The following PPP1R10 variants were observed in gnomAD, a reference collection of about 807,000 sequenced individuals.
PPP1R10 encodes the protein protein phosphatase 1 regulatory subunit 10.
PPP1R10 carries 15 observed loss-of-function variants against 99.0 expected under a neutral mutation model. The ratio of observed to expected loss-of-function variants is 0.15; its 90% CI spans 0.10 to 0.23. PPP1R10 has a LOEUF of 0.23. Ranked by LOEUF, PPP1R10 falls within the 10% of genes least tolerant of loss-of-function variation. The pLI is 1.00. For missense variants in PPP1R10, 947 were observed against 1,259.4 expected, an observed-to-expected ratio of 0.75 and a Z score of 3.75; for synonymous variants, 430 against 449.5, an observed-to-expected ratio of 0.96 and a Z score of 0.55.
chr6:30,602,044 C>T lies in PPP1R10; in HGVS notation c.2605G>A (p.Gly869Ser). The T allele has an allele frequency of 3.2e-6, 5 of 1,555,952 alleles. No homozygotes were observed. Among genetic ancestry groups the T allele is most frequent in the Middle Eastern group, 1.7e-4 (1 of 5,796 alleles). ...HRPHDVPGHR[G>S]HDHRGPPPHE... is the part of the protein sequence containing the mutation. ...GGTGGCGGCCCTCGATGGTCATGGC[C>T]TCGGTGACCAGGGACATCATGAGGC... The change falls in exon 19 of 20, where the codon GGC becomes AGC. Residue 869 changes from glycine (G) to serine (S), a missense_variant. Gly to Ser is a moderately conservative substitution (Grantham distance 56). Coordinates refer to ENST00000376511, the MANE Select transcript of PPP1R10 (RefSeq NM_002714.4). The surrounding 1 kb of genome is among the most constrained non-coding windows in gnomAD (Gnocchi z 6.7).
chr6:30,603,411 T>C (rs1803580517), intron 16 of PPP1R10, 61 bp downstream of exon 16: 1 of 1,590,322 alleles, frequency 6.3e-7, no homozygotes, highest in Non-Finnish European at 8.6e-7. Flanking sequence ...TGGGAGACAG[T>C]GAGGAGAGCG....
chr6:30,615,116 G>A (rs918281961), intron 2 of PPP1R10, among the ~76,000 whole-genome samples: 2 of 150,112 alleles, frequency 1.3e-5, no homozygotes, highest in Non-Finnish European at 3.0e-5. Flanking sequence ...AAAAGGGGGA[G>A]AAAAACAACA....
Position 30,603,303 on chromosome 6 carries a change from G to A in PPP1R10, c.1768-18C>T. 1.2e-6 allele frequency: 2 copies of A among 1,604,704 alleles called. No homozygotes were observed. The highest frequency in any genetic ancestry group is 1.7e-6 in the Non-Finnish European group (2 of 1,171,452). ...GGGCTACCCTGTGAGGATGTAAGAA[G>A]GCAAAGTCAACAGACAGAAAGGGTA... On this transcript the variant is annotated intron_variant, in intron 16 of 19. Coordinates refer to ENST00000376511, the MANE Select transcript of PPP1R10 (RefSeq NM_002714.4).
rs763294884 is a variant in PPP1R10 at position 30,603,523 on chromosome 6, T to G, written c.1716A>C (p.Gln572His). Reference protein sequence around the residue: ...MGSMGAGKGPQGPGGGGINVQ... With the variant: ...MGSMGAGKGPHGPGGGGINVQ... ...CATTAATGCCTCCTCCTCCAGGGCC[T>G]TGGGGGCCCTTTCCAGCACCCATGC... is the stretch of plus-strand genomic sequence containing the variant. Residue 572 changes from glutamine (Q) to histidine (H), a missense_variant, in exon 16 of 20, where the codon CAA (glutamine) becomes CAC (histidine). Coordinates refer to ENST00000376511, the MANE Select transcript of PPP1R10 (RefSeq NM_002714.4). 1 of 1,613,898 alleles carries G rather than the reference T, an allele frequency of 6.2e-7. No individual in the cohort carries two copies. Among genetic ancestry groups the G allele is most frequent in the Non-Finnish European group, 8.5e-7 (1 of 1,179,908 alleles).
intron 16 of PPP1R10, 21 bp from the exon 17 acceptor site, chr6:30,603,306 A>T: frequency 1.2e-6 from 2 of 1,601,518 alleles, no homozygotes; most frequent in Non-Finnish European, 1.7e-6. Context: ...GTAAGAAGGC[A>T]AAGTCAACAG....
At position 30,603,616 on chromosome 6, in the gene PPP1R10, C is replaced by A; in HGVS notation, c.1623G>T (p.Gly541=). The stretch of plus-strand genomic sequence containing the variant: ...CTGCCCCATCAGGTGAGCCACCTGA[C>A]CCCCCAGGTTCCAGAGTCTCAACAT... ...TPYVETLEPG[G]SGGSPDGAGG... The change falls in exon 16 of 20, where the codon GGG becomes GGT. Residue 541 remains glycine (G), a synonymous_variant. Coordinates refer to ENST00000376511, the MANE Select transcript of PPP1R10 (RefSeq NM_002714.4). 6.2e-7 allele frequency: 1 copy of A among 1,613,110 alleles called. No homozygotes were observed. Among genetic ancestry groups the A allele is most frequent in the South Asian group, 1.1e-5 (1 of 90,970 alleles).
Position 30,609,863 on chromosome 6 carries a change from C to A in PPP1R10, c.82G>T (p.Val28Leu). The A allele has an allele frequency of 6.2e-7, 1 of 1,614,062 alleles. No individual in the cohort carries two copies. The highest frequency in any genetic ancestry group is 1.1e-5 in the South Asian group (1 of 91,074). The change falls in exon 3 of 20, where the codon GTG becomes TTG. Residue 28 changes from valine (V) to leucine (L), a missense_variant. Val to Leu is a conservative substitution (Grantham distance 32). Coordinates refer to ENST00000376511, the MANE Select transcript of PPP1R10 (RefSeq NM_002714.4). This position sits in a 1 kb window ranked among gnomAD's most constrained non-coding sequence, Gnocchi z 4.5. Reference protein sequence around the residue: ...FLNRDGEVKSVDGISKIFSLM... With the variant: ...FLNRDGEVKSLDGISKIFSLM... ...CTGAAGATCTTGGAAATCCCATCCACACTTTTGACTTCCCCATCTCGGTTA... is the reference window on the plus strand; with the variant it reads ...CTGAAGATCTTGGAAATCCCATCCAAACTTTTGACTTCCCCATCTCGGTTA...
At chr6:30,607,292 T>G (rs1162895573) in intron 6 of PPP1R10, among the ~76,000 whole-genome samples, 1 of 152,254 alleles carries the variant, frequency 6.6e-6, no homozygotes, top group East Asian at 1.9e-4. Flanking sequence ...GTTAGTTGCT[T>G]TATGTATAAC....
Position 30,605,963 on chromosome 6 carries a change from A to G in PPP1R10, c.813T>C (p.Asn271=). 1 of 1,613,578 alleles carries G rather than the reference A, an allele frequency of 6.2e-7. No homozygotes were observed. The highest frequency in any genetic ancestry group is 8.5e-7 in the Non-Finnish European group (1 of 1,179,918). The part of the protein sequence containing the change: ...KKYKPLNTTP[N]ATKEIKVKII... Reference sequence around the variant, plus strand: ...TCTTCACTTTGATCTCTTTGGTGGCATTAGGTGTTGTGTTGAGTGGCTTGT... The same window carrying G: ...TCTTCACTTTGATCTCTTTGGTGGCGTTAGGTGTTGTGTTGAGTGGCTTGT... Residue 271 remains asparagine, a synonymous_variant, in exon 10 of 20, where the codon AAT becomes AAC. Coordinates refer to ENST00000376511, the MANE Select transcript of PPP1R10 (RefSeq NM_002714.4).
At chr6:30,601,867 T>A in intron 19 of PPP1R10, 69 bp downstream of exon 19, 1 of 1,445,796 alleles carries the variant, frequency 6.9e-7, no homozygotes, top group Non-Finnish European at 9.1e-7. Context: ...CAGTAGTGAC[T>A]CTCACCCACT....
chr6:30,606,910 AG>A lies in PPP1R10; in HGVS notation c.383-55del. On this transcript the variant is annotated intron_variant, in intron 6 of 19. Transcript: ENST00000376511. The surrounding 1 kb of genome is among the most constrained non-coding windows in gnomAD (Gnocchi z 6.3). ...AAATAATGTAAAGTAACATTCTTCC[AG>A]GAACAGAAAATGGGAGGTTTGAGAA... 1 of 1,483,100 alleles carries A rather than the reference AG, an allele frequency of 6.7e-7. No individual in the cohort carries two copies. The highest frequency in any genetic ancestry group is 1.2e-5 in the South Asian group (1 of 85,238). 91.9% of individuals were successfully genotyped at this position (1,483,100 alleles called of 1,614,324 possible).
At position 30,605,955 on chromosome 6, in the gene PPP1R10, T is replaced by C. The variant is rs1014811825; in HGVS notation, c.821A>G (p.Lys274Arg). The change falls in exon 10 of 20, where the codon AAA becomes AGA. Residue 274 changes from lysine to arginine, a missense_variant. Transcript: ENST00000376511. Reference protein sequence around the residue: ...KPLNTTPNATKEIKVKIIPPQ... With the variant: ...KPLNTTPNATREIKVKIIPPQ... ...CGGGATGATCTTCACTTTGATCTCT[T>C]TGGTGGCATTAGGTGTTGTGTTGAG... 1.2e-6 allele frequency: 2 copies of C among 1,613,874 alleles called. No individual in the cohort carries two copies. The highest frequency in any genetic ancestry group is 1.3e-5 in the African/African-American group (1 of 74,898).
intron 10 of PPP1R10, among the ~76,000 whole-genome samples, chr6:30,605,391 TCACAGAATGG>T (rs1347078655): frequency 2.6e-5 from 4 of 152,082 alleles, no homozygotes; most frequent in Non-Finnish European, 5.9e-5. Context: ...CCCTGACCAG[TCACAGAATGG>T]CACACGTCCC....
chr6:30,609,839 T>C lies in PPP1R10; in HGVS notation c.106A>G (p.Ser36Gly), dbSNP rs561249098. 8 of 1,612,114 alleles carry C rather than the reference T, an allele frequency of 5.0e-6. No homozygotes were observed. In the South Asian group the frequency reaches 6.6e-5, roughly 13 times the overall value. Residue 36 changes from serine (S) to glycine (G), a missense_variant and splice_region_variant, in exon 3 of 20, where the codon AGT becomes GGT. Ser to Gly is a moderately conservative substitution (Grantham distance 56, BLOSUM62 0). Around this residue, in one of 10 missense-constraint regions of PPP1R10, gnomAD observed 82 missense variants for 117.3 expected, o/e 0.70. Transcript: ENST00000376511. The surrounding 1 kb of genome is among the most constrained non-coding windows in gnomAD (Gnocchi z 4.5). ...KSVDGISKIF[S>G]LMKEARKMVS... ...ATACAAAAAGGGGTAAAGACTCACC[T>C]GAAGATCTTGGAAATCCCATCCACA...
chr6:30,609,659 A>G lies in PPP1R10; in HGVS notation c.107+179T>C, dbSNP rs927616478. Among the ~76,000 whole-genome samples, 1 of 152,230 alleles carries G rather than the reference A, an allele frequency of 6.6e-6. No individual in the cohort carries two copies. The highest frequency in any genetic ancestry group is 1.5e-5 in the Non-Finnish European group (1 of 68,034). On this transcript the variant is annotated intron_variant, in intron 3 of 19. Coordinates refer to ENST00000376511, the MANE Select transcript of PPP1R10 (RefSeq NM_002714.4). The surrounding 1 kb of genome is among the most constrained non-coding windows in gnomAD (Gnocchi z 4.5). ...CAAATCTCCAGTTTCCATTATGGTC[A>G]GAAACAAGTGATCATCTTTTCCTAT...
chr6:30,607,803 GAGAAAAGCCCATGAGAGAGC>G lies in PPP1R10; in HGVS notation c.382+17_382+36del. 1 of 1,588,918 alleles carries G rather than the reference GAGAAAAGCCCATGAGAGAGC, an allele frequency of 6.3e-7. No homozygotes were observed. ...TTAAGGTAATTAAGTGGAAGTAATA[GAGAAAAGCCCATGAGAGAGC>G]AGAAGTGGCACCCTACCTTCATCCT... is the stretch of plus-strand genomic sequence containing the variant. On this transcript the variant is annotated intron_variant, in intron 6 of 19. Transcript: ENST00000376511.
In PPP1R10 at chr6:30,616,589, G is replaced by A. The variant is rs553274442; in HGVS notation, c.-123C>T. 6.6e-6 allele frequency: 1 copy of A among 151,992 alleles called. No homozygotes were observed. Among genetic ancestry groups the A allele is most frequent in the Non-Finnish European group, 1.5e-5 (1 of 67,970 alleles). The allele number at this position is 151,992 out of a possible 1,614,324, so 9.4% of individuals were successfully genotyped here. On this transcript the variant is annotated 5_prime_UTR_variant, in exon 2 of 20. Transcript: ENST00000376511. Reference sequence around the variant, plus strand: ...GGACCCAAAACTCAATTATTTAGGGGGCCTCATTGGATCAAAAAGTCTTTT... The same window carrying A: ...GGACCCAAAACTCAATTATTTAGGGAGCCTCATTGGATCAAAAAGTCTTTT...
chr6:30,601,594 G>C lies in PPP1R10; in HGVS notation c.2778C>G (p.Asn926Lys). Residue 926 changes from asparagine to lysine, a missense_variant, in exon 20 of 20, where the codon AAC (asparagine) becomes AAG (lysine). By Grantham distance (94) the Asn-to-Lys change is moderately conservative. Around this residue, in one of 10 missense-constraint regions of PPP1R10, gnomAD observed 17 missense variants for 46.4 expected, o/e 0.37. Transcript: ENST00000376511. The stretch of plus-strand genomic sequence containing the variant: ...TGACACCCGGGTGGTAGAAGGCACA[G>C]TTGTTCTCATAGCGGCAGTTGCCCT... ...MMKGNCRYEN[N>K]CAFYHPGVNG... 1 of 1,614,132 alleles carries C rather than the reference G, an allele frequency of 6.2e-7. No homozygotes were observed. The highest frequency in any genetic ancestry group is 8.5e-7 in the Non-Finnish European group (1 of 1,180,008).
intron 2 of PPP1R10, among the ~76,000 whole-genome samples, chr6:30,612,677 T>C (rs1804676862): frequency 6.6e-6 from 1 of 152,214 alleles, no homozygotes; most frequent in Non-Finnish European, 1.5e-5. Context: ...GATTAGTTCT[T>C]ATTTAAAATT....
Sources: gnomAD v4.1 joint callset for allele counts (sites outside exome capture counted in the v4.1 genomes callset) on GRCh38, gnomAD v4.1.1 for gene constraint, gnomAD v4.1.1 regional missense constraint, Gnocchi (gnomAD v3.1) non-coding constraint, MANE v1.5 for transcripts, NCBI Gene and HGNC (gene_info 2026-07-23, HGNC 2026-07-21) for gene names.